The following PCDH15 variants were observed in gnomAD, a reference collection of about 807,000 sequenced individuals.
PCDH15 encodes protocadherin related 15.
PCDH15 carries 129 observed loss-of-function variants against 178.5 expected under a neutral mutation model. The observed-to-expected ratio is 0.72, with a 90% CI of 0.63 to 0.84. The LOEUF is 0.84. Ranked by LOEUF, PCDH15 falls within the 40% of genes least tolerant of loss-of-function variation. PCDH15 has a pLI of 0.00. For missense variants in PCDH15, 2,230 were observed against 2,099.9 expected, an observed-to-expected ratio of 1.06 and a Z score of -1.21; for synonymous variants, 800 against 732.0, an observed-to-expected ratio of 1.09 and a Z score of -1.50.
intron 2 of PCDH15, among the ~76,000 whole-genome samples, chr10:55,110,372 T>C (rs1372752144): frequency 6.6e-6 from 1 of 152,064 alleles, no homozygotes; most frequent in Admixed American, 6.6e-5. Flanking sequence ...TAAGAACCTA[T>C]AGTTACAGAA....
chr10:54,338,854 G>C (rs149664335), intron 6 of PCDH15, among the ~76,000 whole-genome samples: 38 of 151,324 alleles, frequency 2.5e-4, no homozygotes, highest in African/African-American at 9.0e-4. Context: ...CATGCCTCCA[G>C]TCTGGCATTA....
chr10:54,551,238 A>G (rs2086569521), intron 2 of PCDH15, among the ~76,000 whole-genome samples: 1 of 151,934 alleles, frequency 6.6e-6, no homozygotes, highest in Non-Finnish European at 1.5e-5. Flanking sequence ...AAAGTAATAT[A>G]TACTCACAAA....
chr10:54,624,162 C>T (rs1262177979), intron 2 of PCDH15, among the ~76,000 whole-genome samples: 1 of 152,012 alleles, frequency 6.6e-6, no homozygotes, highest in Non-Finnish European at 1.5e-5. Flanking sequence ...AGTACTTATA[C>T]ACGTGTTTGG....
intron 18 of PCDH15, among the ~76,000 whole-genome samples, chr10:54,042,313 C>T (rs1225044008): frequency 6.6e-6 from 1 of 152,004 alleles, no homozygotes; most frequent in Non-Finnish European, 1.5e-5. Context: ...CTAAGTGATG[C>T]AGCTAGAATT....
chr10:53,936,442 T>C (rs1337448927), intron 25 of PCDH15, among the ~76,000 whole-genome samples: 6 of 152,098 alleles, frequency 3.9e-5, no homozygotes, highest in African/African-American at 9.7e-5. Flanking sequence ...CTGACCTGCT[T>C]CAAAATAATG....
chr10:54,387,486 A>C (rs2135242853), intron 3 of PCDH15, among the ~76,000 whole-genome samples: 1 of 152,330 alleles, frequency 6.6e-6, no homozygotes, highest in African/African-American at 2.4e-5. Context: ...GAAAAAACAA[A>C]TATGGCATGA....
intron 2 of PCDH15, among the ~76,000 whole-genome samples, chr10:55,090,921 G>A (rs1195774459): frequency 7.0e-6 from 1 of 142,464 alleles, no homozygotes; most frequent in Non-Finnish European, 1.5e-5. Flanking sequence ...TCTTTTTTTT[G>A]GACTAAAGTA....
chr10:54,481,211 T>A (rs2078693504), intron 3 of PCDH15, among the ~76,000 whole-genome samples: 1 of 151,932 alleles, frequency 6.6e-6, no homozygotes, highest in Admixed American at 6.6e-5. Flanking sequence ...TAAATACATT[T>A]TTGATGAAAT....
intron 3 of PCDH15, among the ~76,000 whole-genome samples, chr10:54,896,722 A>G (rs1232974195): frequency 1.3e-5 from 2 of 152,142 alleles, no homozygotes; most frequent in Non-Finnish European, 2.9e-5. Flanking sequence ...GCAGAACAAC[A>G]TTGGTTACAA....
intron 2 of PCDH15, among the ~76,000 whole-genome samples, chr10:55,073,424 C>CA (rs1168994349): frequency 1.3e-5 from 2 of 151,612 alleles, no homozygotes; most frequent in Non-Finnish European, 2.9e-5. Context: ...AATCAATGTA[C>CA]AAAAAATCAC....
At chr10:54,604,300 TCTC>T (rs1346075185) in intron 2 of PCDH15, among the ~76,000 whole-genome samples, 1 of 151,984 alleles carries the variant, frequency 6.6e-6, no homozygotes, top group African/African-American at 2.4e-5. Flanking sequence ...TAATTTGGTC[TCTC>T]CTATTGTTCA....
chr10:55,282,066 T>C (rs1842748766), intron 1 of PCDH15, among the ~76,000 whole-genome samples: 1 of 152,194 alleles, frequency 6.6e-6, no homozygotes, highest in Admixed American at 6.6e-5. Context: ...AAGAGCAATG[T>C]TTTAAAAATG....
intron 26 of PCDH15, among the ~76,000 whole-genome samples, chr10:53,878,595 T>C (rs2080459830): frequency 6.7e-6 from 1 of 149,996 alleles, no homozygotes; most frequent in African/African-American, 2.4e-5. Context: ...TTTCTGAAGG[T>C]GTTCTTATCT....
intron 9 of PCDH15, among the ~76,000 whole-genome samples, chr10:54,222,012 A>G (rs1564718662): frequency 6.6e-6 from 1 of 152,164 alleles, no homozygotes; most frequent in Non-Finnish European, 1.5e-5. Context: ...TCTATTGCCT[A>G]GGTGTTATTC....
At chr10:54,376,447 T>C (rs1436987080) in intron 4 of PCDH15, among the ~76,000 whole-genome samples, 1 of 150,802 alleles carries the variant, frequency 6.6e-6, no homozygotes, top group Non-Finnish European at 1.5e-5. Context: ...TTTACATATA[T>C]GAATATCATA....
At chr10:53,855,526 C>G (rs2078664406) in intron 28 of PCDH15, among the ~76,000 whole-genome samples, 1 of 152,006 alleles carries the variant, frequency 6.6e-6, no homozygotes, top group African/African-American at 2.4e-5. Flanking sequence ...AATTTGTGAA[C>G]TATCCTGAAA....
chr10:54,149,476 G>C (rs1238939894), intron 14 of PCDH15, among the ~76,000 whole-genome samples: 2 of 152,086 alleles, frequency 1.3e-5, no homozygotes, highest in African/African-American at 4.8e-5. Context: ...AAGCTCAAAA[G>C]CATATAGGTA....
rs2081738539 is a variant in PCDH15 at position 53,893,582 on chromosome 10, T to C, written c.3501+9661A>G. On this transcript the variant is annotated intron_variant, in intron 26 of 37. Coordinates refer to ENST00000644397, the MANE Select transcript of PCDH15 (RefSeq NM_001384140.1). ...AACCAATGAGTGGATAAAGAAAATG[T>C]GGTATATATACACCATTGAATACTA... Among the ~76,000 whole-genome samples, 3 of 152,178 alleles carry C rather than the reference T, an allele frequency of 2.0e-5. No individual in the cohort carries two copies. The South Asian group carries it at 6.2e-4, about 32-fold the overall frequency.
intron 3 of PCDH15, among the ~76,000 whole-genome samples, chr10:54,811,111 C>T (rs1952856237): frequency 1.3e-5 from 2 of 151,640 alleles, no homozygotes; most frequent in Non-Finnish European, 2.9e-5. Context: ...TTCAGAAATA[C>T]ATTGGGACTA....
Sources: allele counts gnomAD v4.1 joint callset (sites outside exome capture counted in the v4.1 genomes callset), GRCh38; gene constraint gnomAD v4.1.1; transcripts MANE v1.5; gene names NCBI Gene and HGNC (gene_info 2026-07-23, HGNC 2026-07-21).